MACROD2: variants seen among roughly 807,000 people sequenced by gnomAD.
MACROD2 encodes mono-ADP ribosylhydrolase 2, also known as ADP-ribose glycohydrolase MACROD2.
A neutral mutation model predicts 70.4 loss-of-function variants in MACROD2; 36 were observed. The observed-to-expected ratio is 0.51, with a 90% CI of 0.39 to 0.68. The LOEUF is 0.68. MACROD2 is among the 30% of genes least tolerant of loss of function. The pLI is 0.00. For missense variants in MACROD2, 496 were observed against 538.4 expected (o/e 0.92, Z 0.78); for synonymous variants, 172 against 178.8 (o/e 0.96, Z 0.30).
intron 6 of MACROD2, among the ~76,000 whole-genome samples, chr20:15,410,628 C>T (rs941978512): frequency 3.3e-5 from 5 of 151,412 alleles, no homozygotes; most frequent in African/African-American, 1.2e-4. Flanking sequence ...TGTTGCAATA[C>T]AAGCAATTCT....
At chr20:15,206,511 T>A (rs1303258143) in intron 5 of MACROD2, among the ~76,000 whole-genome samples, 2 of 152,104 alleles carry the variant, frequency 1.3e-5, no homozygotes, top group East Asian at 3.9e-4. Context: ...GGAGAATATT[T>A]CCATCACATC....
intron 6 of MACROD2, among the ~76,000 whole-genome samples, chr20:15,374,265 C>T (rs946678737): frequency 6.6e-6 from 1 of 151,374 alleles, no homozygotes; most frequent in South Asian, 2.1e-4. Context: ...AATACAATCC[C>T]TTATATATAA....
In MACROD2 at chr20:15,748,735, T is replaced by G. The variant is rs1600838544; in HGVS notation, c.646-114010T>G. 3.9e-5 allele frequency among the ~76,000 whole-genome samples: 6 copies of G among 152,246 alleles called. No homozygotes were observed. In the South Asian group the frequency reaches 1.2e-3, roughly 32 times the overall value. On this transcript the variant is annotated intron_variant, in intron 8 of 17. Coordinates refer to ENST00000684519, the MANE Select transcript of MACROD2 (RefSeq NM_001351661.2). ...GCTTCCACTCAAGTGTATTCCAACA[T>G]TGTTCATATTTTATTAAGAAGTCTG...
At chr20:14,148,007 T>A (rs528954116) in intron 3 of MACROD2, among the ~76,000 whole-genome samples, 2 of 152,216 alleles carry the variant, frequency 1.3e-5, no homozygotes, top group Non-Finnish European at 2.9e-5. Flanking sequence ...ATTTTTTACC[T>A]TTTTATGACT....
intron 4 of MACROD2, among the ~76,000 whole-genome samples, chr20:14,517,973 T>G (rs527746811): frequency 6.6e-6 from 1 of 152,290 alleles, no homozygotes; most frequent in African/African-American, 2.4e-5. Flanking sequence ...TACTGTTTTC[T>G]TTTTTGTAAA....
chr20:15,779,838 T>G, intron 8 of MACROD2, among the ~76,000 whole-genome samples: 1 of 152,164 alleles, frequency 6.6e-6, no homozygotes. Flanking sequence ...CCATTGCAAC[T>G]GTTCCACGTG....
intron 3 of MACROD2, among the ~76,000 whole-genome samples, chr20:14,419,637 A>G (rs540157998): frequency 6.6e-6 from 1 of 152,298 alleles, no homozygotes; most frequent in East Asian, 1.9e-4. Flanking sequence ...TCTATTTTTA[A>G]ATTATAAAAT....
At chr20:15,431,339 A>G in intron 6 of MACROD2, 66 bp from the exon 7 acceptor site, 1 of 1,424,084 alleles carries the variant, frequency 7.0e-7, no homozygotes, top group South Asian at 1.2e-5. Flanking sequence ...ATAGATGTTG[A>G]GAAAGATGAT....
At chr20:15,526,349 A>G (rs1034136039) in intron 8 of MACROD2, among the ~76,000 whole-genome samples, 28 of 152,234 alleles carry the variant, frequency 1.8e-4, no homozygotes, top group Non-Finnish European at 1.9e-4. Flanking sequence ...ATCACCAAAA[A>G]TAGTTCAGGT....
At chr20:14,157,591 TTACTCTC>T (rs1223213155) in intron 3 of MACROD2, among the ~76,000 whole-genome samples, 2 of 152,140 alleles carry the variant, frequency 1.3e-5, no homozygotes, top group Admixed American at 6.6e-5. Flanking sequence ...TCTTATCACT[TTACTCTC>T]TACCTTCATG....
At chr20:14,967,186 T>A (rs1168577297) in intron 5 of MACROD2, among the ~76,000 whole-genome samples, 1 of 152,190 alleles carries the variant, frequency 6.6e-6, no homozygotes, top group Non-Finnish European at 1.5e-5. Context: ...ATGATTTTTG[T>A]TAGTTTTGTT....
In MACROD2 at chr20:14,615,989, G is replaced by C. The variant is rs565170111; in HGVS notation, c.302-68854G>C. On this transcript the variant is annotated intron_variant, in intron 4 of 17. Transcript: ENST00000684519. ...CCTAGTGAAGAGAGGCACAGTGATA[G>C]AGAAGAGAGCCAGAAAGAGCAGTGG... Among the ~76,000 whole-genome samples, 255 of 152,260 alleles carry C rather than the reference G, an allele frequency of 1.7e-3. 1 individual carries two copies. Among genetic ancestry groups the C allele is most frequent in the African/African-American group, 5.7e-3 (238 of 41,564 alleles).
intron 3 of MACROD2, among the ~76,000 whole-genome samples, chr20:14,276,707 A>G (rs1293282554): frequency 1.3e-5 from 2 of 152,250 alleles, no homozygotes; most frequent in East Asian, 1.9e-4. Context: ...ACACTATTGT[A>G]TTAATGTAGT....
chr20:14,709,759 G>A (rs2071315709), intron 5 of MACROD2, among the ~76,000 whole-genome samples: 1 of 152,150 alleles, frequency 6.6e-6, no homozygotes, highest in Non-Finnish European at 1.5e-5. Context: ...AGAAACAAGT[G>A]TAGTATCTTT....
At chr20:15,499,651 C>A (rs2047340602) in intron 7 of MACROD2, 123 bp from the exon 8 acceptor site, 1 of 784,258 alleles carries the variant, frequency 1.3e-6, no homozygotes, top group Non-Finnish European at 2.2e-6. Flanking sequence ...CTTACTGAGG[C>A]CTGTACTTAT....
chr20:14,293,884 A>G (rs931671133), intron 3 of MACROD2, among the ~76,000 whole-genome samples: 2 of 151,932 alleles, frequency 1.3e-5, no homozygotes, highest in Non-Finnish European at 2.9e-5. Context: ...TTGGAAGAGT[A>G]TGAAAATATA....
intron 3 of MACROD2, among the ~76,000 whole-genome samples, chr20:14,298,964 T>G (rs2122479839): frequency 6.6e-6 from 1 of 152,332 alleles, no homozygotes; most frequent in African/African-American, 2.4e-5. Context: ...AGATAGAATC[T>G]ACTCCTGGTG....
chr20:14,941,912 T>C (rs936201852), intron 5 of MACROD2, among the ~76,000 whole-genome samples: 1 of 151,804 alleles, frequency 6.6e-6, no homozygotes, highest in South Asian at 2.1e-4. Context: ...GCCTCCTTAG[T>C]ATTTGGGACC....
chr20:14,293,814 A>G (rs1322678730), intron 3 of MACROD2, among the ~76,000 whole-genome samples: 1 of 151,910 alleles, frequency 6.6e-6, no homozygotes, highest in Non-Finnish European at 1.5e-5. Flanking sequence ...CCCAAAGTGC[A>G]TTATAGAGTG....
Sources: gnomAD v4.1 joint callset for allele counts (sites outside exome capture counted in the v4.1 genomes callset) on GRCh38, gnomAD v4.1.1 for gene constraint, MANE v1.5 for transcripts, NCBI Gene and HGNC (gene_info 2026-07-23, HGNC 2026-07-21) for gene names.